CMTM7: variants seen among roughly 807,000 people sequenced by gnomAD.
CMTM7 encodes the protein CKLF-like MARVEL transmembrane domain-containing protein 7.
In CMTM7, 7 loss-of-function variants were observed where a neutral mutation model predicts 19.3. The observed-to-expected ratio is 0.36, with a 90% confidence interval of 0.21 to 0.68. The LOEUF (loss-of-function observed/expected upper bound fraction) is 0.68. CMTM7 is among the 30% of genes least tolerant of loss of function. The probability of loss-of-function intolerance (pLI) is 0.60; values close to 1 mark genes in which losing one functional copy is unlikely to be tolerated. For missense variants in CMTM7, 193 were observed against 232.6 expected (o/e 0.83, Z 1.11); for synonymous variants, 87 against 99.3 (o/e 0.88, Z 0.74).
chr3:32,401,267 C>G (rs1695998019), intron 1 of CMTM7, among the ~76,000 whole-genome samples: 1 of 152,220 alleles, frequency 6.6e-6, no homozygotes, highest in Non-Finnish European at 1.5e-5. Context: ...GAGCTTAAGG[C>G]TTTTGTAATC....
At chr3:32,398,300 T>A (rs1308425369) in intron 1 of CMTM7, among the ~76,000 whole-genome samples, 1 of 152,206 alleles carries the variant, frequency 6.6e-6, no homozygotes, top group Non-Finnish European at 1.5e-5. Context: ...GACGTTTACA[T>A]AACCATAACA....
At chr3:32,452,035 A>T (rs1696840271) in intron 3 of CMTM7, 1 of 1,299,068 alleles carries the variant, frequency 7.7e-7, no homozygotes, top group African/African-American at 1.5e-5. Flanking sequence ...CCCAAATTAA[A>T]ATTTCATCCT....
chr3:32,391,971 C>T lies in CMTM7; in HGVS notation c.65C>T (p.Ala22Val), dbSNP rs999046235. 1 of 1,232,098 alleles carries T rather than the reference C, an allele frequency of 8.1e-7. No individual in the cohort carries two copies. Among genetic ancestry groups the T allele is most frequent in the Non-Finnish European group, 1.0e-6 (1 of 986,764 alleles). The allele number at this position is 1,232,098 out of a possible 1,614,324, so 76.3% of individuals were successfully genotyped here. A position where few individuals can be genotyped will look rare whatever the true frequency, so the allele number is the denominator to read the frequency against. The stretch of plus-strand genomic sequence containing the variant: ...AGCGGCAGCGCGCTCGGACCCGGGG[C>T]CGGCGCGGCCCAGCCCAGCGCGAGC... ...CSSGSALGPG[A>V]GAAQPSASPL... The change falls in exon 1 of 5, where the codon GCC (alanine) becomes GTC (valine). Residue 22 changes from alanine to valine, a missense_variant. Coordinates refer to ENST00000334983, the MANE Select transcript of CMTM7 (RefSeq NM_138410.4).
intron 1 of CMTM7, among the ~76,000 whole-genome samples, chr3:32,425,170 A>T (rs1696411147): frequency 6.6e-6 from 1 of 152,206 alleles, no homozygotes; most frequent in East Asian, 1.9e-4. Flanking sequence ...TAGGGTTGTC[A>T]TAATAATTTG....
intron 1 of CMTM7, among the ~76,000 whole-genome samples, chr3:32,437,821 G>C (rs1696621173): frequency 6.6e-6 from 1 of 152,116 alleles, no homozygotes; most frequent in African/African-American, 2.4e-5. Context: ...AACCAGGGAG[G>C]TGGAGGTTGC....
rs546538478 is a variant in CMTM7, at chr3:32,410,617, G to A, written c.159+18552G>A. 1.3e-4 allele frequency among the ~76,000 whole-genome samples: 20 copies of A among 151,448 alleles called. No homozygotes were observed. In the East Asian group the frequency reaches 3.7e-3, roughly 28 times the overall value. The stretch of plus-strand genomic sequence containing the variant: ...TCAAGCCTGCGGGCCAAGAAGCTGG[G>A]AAAAGTCACAGAGAGGCTAGGATGC... On this transcript the variant is annotated intron_variant, in intron 1 of 4. Transcript: ENST00000334983.
intron 1 of CMTM7, among the ~76,000 whole-genome samples, chr3:32,426,006 A>G (rs1349555563): frequency 6.6e-6 from 1 of 152,176 alleles, no homozygotes; most frequent in Non-Finnish European, 1.5e-5. Context: ...TTAGCCAGGC[A>G]TGGTGGCGCA....
chr3:32,418,781 A>C (rs1331579327), intron 1 of CMTM7, among the ~76,000 whole-genome samples: 1 of 152,220 alleles, frequency 6.6e-6, no homozygotes, highest in Non-Finnish European at 1.5e-5. Context: ...CCAGTACCAC[A>C]CTGTCTTGAT....
chr3:32,441,602 A>G (rs1056828444), intron 1 of CMTM7, among the ~76,000 whole-genome samples: 4 of 152,244 alleles, frequency 2.6e-5, no homozygotes, highest in Non-Finnish European at 4.4e-5. Context: ...AACTTCAGAG[A>G]GGACGAAGTC....
intron 2 of CMTM7, among the ~76,000 whole-genome samples, chr3:32,447,113 G>A (rs1158875713): frequency 6.6e-6 from 1 of 151,924 alleles, no homozygotes; most frequent in African/African-American, 2.4e-5. Context: ...GGTATATTGT[G>A]TCTTCATTTT....
At position 32,449,405 on chromosome 3, in the gene CMTM7, C is replaced by T. The variant is rs1007477705; in HGVS notation, c.334-49C>T. ...CTGATGCCCAGTTGCTCTTCCCGGACCAGAAATGGACGGCCCTACCCACTT... is the reference window on the plus strand; with the variant it reads ...CTGATGCCCAGTTGCTCTTCCCGGATCAGAAATGGACGGCCCTACCCACTT... On this transcript the variant is annotated intron_variant, in intron 2 of 4. Coordinates refer to ENST00000334983, the MANE Select transcript of CMTM7 (RefSeq NM_138410.4). This position sits in a 1 kb window ranked among gnomAD's most constrained non-coding sequence, Gnocchi z 4.5. 1 of 1,298,040 alleles carries T rather than the reference C, an allele frequency of 7.7e-7. No homozygotes were observed. The highest frequency in any genetic ancestry group is 1.1e-6 in the Non-Finnish European group (1 of 891,714). 80.4% of individuals were successfully genotyped at this position (1,298,040 alleles called of 1,614,324 possible).
At chr3:32,430,328 G>A (rs544331078) in intron 1 of CMTM7, among the ~76,000 whole-genome samples, 1 of 152,188 alleles carries the variant, frequency 6.6e-6, no homozygotes, top group Non-Finnish European at 1.5e-5. Context: ...TTGTCATGGC[G>A]GTGCCTGCTC....
chr3:32,441,383 G>A (rs1423670092), intron 1 of CMTM7, among the ~76,000 whole-genome samples: 1 of 152,182 alleles, frequency 6.6e-6, no homozygotes, highest in African/African-American at 2.4e-5. Flanking sequence ...GTTGATAGCT[G>A]TAAGGTATGA....
At chr3:32,400,994 C>G (rs1415168028) in intron 1 of CMTM7, among the ~76,000 whole-genome samples, 1 of 152,174 alleles carries the variant, frequency 6.6e-6, no homozygotes, top group African/African-American at 2.4e-5. Context: ...AAACAATTCT[C>G]TAGACTTTTT....
chr3:32,413,265 G>T (rs1696207428), intron 1 of CMTM7, among the ~76,000 whole-genome samples: 2 of 152,168 alleles, frequency 1.3e-5, no homozygotes, highest in South Asian at 4.1e-4. Context: ...GTTTTCTTTT[G>T]ACTTAGATTA....
chr3:32,424,077 G>A (rs904045607), intron 1 of CMTM7, among the ~76,000 whole-genome samples: 3 of 152,182 alleles, frequency 2.0e-5, no homozygotes, highest in African/African-American at 4.8e-5. Context: ...CAGACAGGGC[G>A]CAGTGGAGAA....
intron 1 of CMTM7, among the ~76,000 whole-genome samples, chr3:32,433,971 T>C (rs967556186): frequency 6.6e-6 from 1 of 152,004 alleles, no homozygotes; most frequent in South Asian, 2.1e-4. Context: ...GTGAATCACC[T>C]GAGGTCAGGA....
intron 1 of CMTM7, among the ~76,000 whole-genome samples, chr3:32,402,715 C>T (rs1431336114): frequency 1.3e-5 from 2 of 152,066 alleles, no homozygotes; most frequent in Non-Finnish European, 2.9e-5. Flanking sequence ...TACAGGCTCC[C>T]GCTACTGCGC....
chr3:32,399,953 C>T (rs1020302509), intron 1 of CMTM7, among the ~76,000 whole-genome samples: 1 of 152,220 alleles, frequency 6.6e-6, no homozygotes, highest in African/African-American at 2.4e-5. Flanking sequence ...CTCACCCACT[C>T]CCTCTTCCCC....
Sources: allele counts gnomAD v4.1 joint callset (sites outside exome capture counted in the v4.1 genomes callset), GRCh38; gene constraint gnomAD v4.1.1; non-coding constraint Gnocchi (gnomAD v3.1); transcripts MANE v1.5; gene names NCBI Gene and HGNC (gene_info 2026-07-23, HGNC 2026-07-21).